DPP10: variants seen among roughly 807,000 people sequenced by gnomAD.
DPP10 encodes inactive dipeptidyl peptidase 10.
Under a neutral mutation model 120.9 loss-of-function variants are expected in DPP10, and 33 were observed. The observed-to-expected ratio is 0.27, with a 90% CI of 0.21 to 0.37. DPP10 has a LOEUF of 0.37. DPP10 is among the 10% of genes least tolerant of loss of function. The pLI is 1.00. For synonymous variants in DPP10, 337 were observed against 326.1 expected (o/e 1.03, Z -0.36); for missense variants, 816 against 942.8 (o/e 0.87, Z 1.76).
At chr2:115,078,419 T>C (rs1016145538) in intron 1 of DPP10, among the ~76,000 whole-genome samples, 6 of 152,206 alleles carry the variant, frequency 3.9e-5, no homozygotes, top group Non-Finnish European at 5.9e-5. Flanking sequence ...TGTTTTAAAG[T>C]CAATTATTTT....
At chr2:115,218,837 ATTAATTGTTT>A (rs2056976839) in intron 1 of DPP10, among the ~76,000 whole-genome samples, 1 of 152,070 alleles carries the variant, frequency 6.6e-6, no homozygotes, top group African/African-American at 2.4e-5. Flanking sequence ...ATATTACTGA[ATTAATTGTTT>A]TTAATTGAAG....
At chr2:115,290,160 C>A (rs575600478) in intron 1 of DPP10, among the ~76,000 whole-genome samples, 2 of 151,654 alleles carry the variant, frequency 1.3e-5, no homozygotes, top group South Asian at 4.2e-4. Flanking sequence ...GGAAAAGAGG[C>A]CAAATAATTT....
intron 1 of DPP10, among the ~76,000 whole-genome samples, chr2:114,897,216 G>T (rs994397479): frequency 6.6e-6 from 1 of 152,090 alleles, no homozygotes; most frequent in Non-Finnish European, 1.5e-5. Context: ...TTGTGTCTCT[G>T]CCCAGCTTTG....
At chr2:114,512,355 A>G (rs1684216375) in intron 1 of DPP10, among the ~76,000 whole-genome samples, 1 of 152,170 alleles carries the variant, frequency 6.6e-6, no homozygotes, top group Non-Finnish European at 1.5e-5. Context: ...CTTCCTGCTC[A>G]TCTCTACACA....
intron 1 of DPP10, among the ~76,000 whole-genome samples, chr2:114,510,637 AAAT>A (rs1477022655): frequency 1.8e-4 from 28 of 152,080 alleles, no homozygotes; most frequent in Admixed American, 5.9e-4. Flanking sequence ...AAACAAACAA[AAAT>A]CCTAAATGGG....
At chr2:114,938,533 T>C (rs937736912) in intron 1 of DPP10, among the ~76,000 whole-genome samples, 4 of 152,132 alleles carry the variant, frequency 2.6e-5, no homozygotes, top group African/African-American at 9.7e-5. Flanking sequence ...AGTAGCAGCT[T>C]AGCAAAAATT....
chr2:115,729,426 A>C (rs1409386030), intron 8 of DPP10, among the ~76,000 whole-genome samples: 1 of 152,172 alleles, frequency 6.6e-6, no homozygotes, highest in East Asian at 1.9e-4. Flanking sequence ...CTATGGAAGA[A>C]CAAAGGAATG....
intron 7 of DPP10, among the ~76,000 whole-genome samples, chr2:115,726,118 C>G (rs1267827918): frequency 6.6e-6 from 1 of 152,098 alleles, no homozygotes; most frequent in Non-Finnish European, 1.5e-5. Context: ...TTGTTAATAG[C>G]TCTCTCCTCC....
At chr2:115,686,934 C>A (rs1008505054) in intron 5 of DPP10, among the ~76,000 whole-genome samples, 1 of 152,118 alleles carries the variant, frequency 6.6e-6, no homozygotes, top group African/African-American at 2.4e-5. Context: ...CCAATCATTA[C>A]AGGAAAAACT....
chr2:115,556,961 G>A (rs1023517530), intron 5 of DPP10, among the ~76,000 whole-genome samples: 8 of 152,044 alleles, frequency 5.3e-5, no homozygotes, highest in East Asian at 3.9e-4. Context: ...CCAAAGTCAC[G>A]GAACAGTACA....
At chr2:115,676,459 C>CA (rs981015203) in intron 5 of DPP10, among the ~76,000 whole-genome samples, 41 of 149,364 alleles carry the variant, frequency 2.7e-4, no homozygotes, top group African/African-American at 7.1e-4. Context: ...ATAGGAATAC[C>CA]AAAAAAAATA....
At chr2:115,590,841 CTT>C (rs1307185578) in intron 5 of DPP10, among the ~76,000 whole-genome samples, 3 of 152,270 alleles carry the variant, frequency 2.0e-5, no homozygotes, top group East Asian at 1.9e-4. Flanking sequence ...TGTTTCCTGA[CTT>C]TTTAATGATC....
intron 1 of DPP10, among the ~76,000 whole-genome samples, chr2:115,103,580 A>G (rs1317384306): frequency 6.6e-6 from 1 of 152,148 alleles, no homozygotes; most frequent in Non-Finnish European, 1.5e-5. Flanking sequence ...ATATCACCTC[A>G]ATTTCTAATT....
At chr2:114,867,137 A>G (rs931712209) in intron 1 of DPP10, among the ~76,000 whole-genome samples, 1 of 151,992 alleles carries the variant, frequency 6.6e-6, no homozygotes, top group African/African-American at 2.4e-5. Flanking sequence ...ATCAAATGAA[A>G]TTGTTTTCCT....
intron 1 of DPP10, among the ~76,000 whole-genome samples, chr2:114,469,101 G>A (rs1005920581): frequency 1.3e-5 from 2 of 148,756 alleles, no homozygotes; most frequent in Admixed American, 7.0e-5. Flanking sequence ...AACAGTGGAA[G>A]GAGGAAAACA....
At chr2:115,660,412 G>A (rs1002128600) in intron 5 of DPP10, among the ~76,000 whole-genome samples, 1 of 152,174 alleles carries the variant, frequency 6.6e-6, no homozygotes, top group Admixed American at 6.5e-5. Flanking sequence ...GGCTAAGTAA[G>A]TTACAAAGTT....
At chr2:115,106,191 C>A (rs1222798275) in intron 1 of DPP10, among the ~76,000 whole-genome samples, 1 of 152,196 alleles carries the variant, frequency 6.6e-6, no homozygotes, top group African/African-American at 2.4e-5. Context: ...CTGATAATGT[C>A]ACTTTGAACA....
intron 7 of DPP10, among the ~76,000 whole-genome samples, chr2:115,695,457 G>A (rs953910888): frequency 3.3e-5 from 5 of 152,078 alleles, no homozygotes; most frequent in African/African-American, 4.8e-5. Context: ...ATCATGGTGG[G>A]AGGCAAAGGA....
At chr2:115,655,408 T>C (rs1028004004) in intron 5 of DPP10, among the ~76,000 whole-genome samples, 1 of 151,718 alleles carries the variant, frequency 6.6e-6, no homozygotes, top group Non-Finnish European at 1.5e-5. Context: ...TTTTAGAGTA[T>C]AACAAGTTCT....
Sources: allele counts gnomAD v4.1 joint callset (sites outside exome capture counted in the v4.1 genomes callset), GRCh38; gene constraint gnomAD v4.1.1; transcripts MANE v1.5; gene names NCBI Gene and HGNC (gene_info 2026-07-23, HGNC 2026-07-21).